UPP2: variants seen among roughly 807,000 people sequenced by gnomAD.
UPP2 encodes the protein uridine phosphorylase 2, also known as UPase 2.
A neutral mutation model predicts 26.7 loss-of-function variants in UPP2; 23 were observed. The observed-to-expected ratio is 0.86, with a 90% CI of 0.62 to 1.22. The LOEUF (loss-of-function observed/expected upper bound fraction) is 1.22. Ranked by LOEUF, UPP2 falls within the 50% of genes most tolerant of loss-of-function variation. The pLI is 0.00. For missense variants in UPP2, 387 were observed against 396.7 expected (o/e 0.98, Z 0.21); for synonymous variants, 127 against 141.3 (o/e 0.90, Z 0.72).
intron 3 of UPP2, among the ~76,000 whole-genome samples, chr2:158,078,437 G>A (rs1574278377): frequency 1.3e-5 from 2 of 152,118 alleles, no homozygotes; most frequent in South Asian, 4.1e-4. Context: ...ACACAATGGA[G>A]TACTATTTAG....
intron 3 of UPP2, among the ~76,000 whole-genome samples, chr2:158,117,234 G>GA (rs200674868): frequency 0.038 from 5,826 of 151,830 alleles, 208 homozygotes; most frequent in Non-Finnish European, 0.061. Context: ...CCTGAATACT[G>GA]AAAAAAACAG....
At chr2:158,090,654 G>C (rs1010493946) in intron 3 of UPP2, among the ~76,000 whole-genome samples, 1 of 151,840 alleles carries the variant, frequency 6.6e-6, no homozygotes, top group Non-Finnish European at 1.5e-5. Context: ...GTTAAACAAA[G>C]CATCTGCCAG....
intron 2 of UPP2, among the ~76,000 whole-genome samples, chr2:158,111,333 T>C (rs1683315596): frequency 6.6e-6 from 1 of 152,198 alleles, no homozygotes; most frequent in Non-Finnish European, 1.5e-5. Context: ...ACTCTTATGG[T>C]TATGGAATAT....
chr2:158,108,622 C>G (rs148044162), intron 2 of UPP2, among the ~76,000 whole-genome samples: 1 of 151,672 alleles, frequency 6.6e-6, no homozygotes, highest in South Asian at 2.1e-4. Context: ...CACACACATA[C>G]GCACACACAC....
intron 6 of UPP2, among the ~76,000 whole-genome samples, chr2:158,130,362 A>G (rs1683788940): frequency 6.6e-6 from 1 of 151,470 alleles, no homozygotes; most frequent in African/African-American, 2.4e-5. Context: ...GAGGGAGGAG[A>G]ATGGCGTGAA....
In UPP2 at chr2:158,001,644, G is replaced by A. The variant is rs112136585; in HGVS notation, c.61+6385G>A. Among the ~76,000 whole-genome samples, 1,090 of 152,166 alleles carry A rather than the reference G, an allele frequency of 7.2e-3. 19 individuals carry two copies. The highest frequency in any genetic ancestry group is 0.025 in the African/African-American group (1,018 of 41,506). On this transcript the variant is annotated intron_variant, in intron 2 of 9. Coordinates refer to the UPP2 transcript ENST00000605860. ...AGAACAACTGGGAAACATCAAGCAC[G>A]CCCTAGATCTTGGTCTTATTTTTTT...
chr2:158,099,339 G>A (rs1200279626), upstream of UPP2, among the ~76,000 whole-genome samples: 1 of 152,172 alleles, frequency 6.6e-6, no homozygotes, highest in Non-Finnish European at 1.5e-5. Flanking sequence ...AGCCATTGCT[G>A]GTGCTATGGG....
In UPP2 at chr2:158,027,513, G is replaced by A. The variant is rs1025670287; in HGVS notation, c.147+11627G>A. On this transcript the variant is annotated intron_variant, in intron 3 of 9. Transcript: ENST00000605860. ...CACCCCTATGGCTTTGTAGGGTACA[G>A]CCTCCCTCCTGACTGCTTTCATGGG... 6.6e-5 allele frequency among the ~76,000 whole-genome samples: 10 copies of A among 152,180 alleles called. No homozygotes were observed. The South Asian group carries it at 1.2e-3, about 19-fold the overall frequency.
rs1361890478 is a variant in UPP2, at chr2:158,057,672, T to C, written c.147+41786T>C. 2.6e-5 allele frequency among the ~76,000 whole-genome samples: 4 copies of C among 152,324 alleles called. No individual in the cohort carries two copies. In the South Asian group the frequency reaches 8.3e-4, roughly 32 times the overall value. On this transcript the variant is annotated intron_variant, in intron 3 of 9. Coordinates refer to the UPP2 transcript ENST00000605860. ...TTATTAACTACAGTCTATAGTTGAT[T>C]CAGATTCTTTATGTTTTTTAACCTA...
intron 3 of UPP2, among the ~76,000 whole-genome samples, chr2:158,068,918 T>C (rs568671789): frequency 5.0e-5 from 7 of 141,386 alleles, no homozygotes; most frequent in Admixed American, 1.5e-4. Context: ...CCCAGGTTCA[T>C]GCCATTCTCC....
intron 3 of UPP2, among the ~76,000 whole-genome samples, chr2:158,094,303 A>C (rs1682955113): frequency 6.6e-6 from 1 of 152,122 alleles, no homozygotes; most frequent in Admixed American, 6.5e-5. Flanking sequence ...TAGTAACTAC[A>C]CAGGCATCTA....
At chr2:158,000,524 C>T (rs1683389101) in intron 2 of UPP2, among the ~76,000 whole-genome samples, 1 of 152,238 alleles carries the variant, frequency 6.6e-6, no homozygotes, top group East Asian at 1.9e-4. Flanking sequence ...TTTTCTCTCT[C>T]TCCTGTTCTC....
At chr2:158,043,009 A>G (rs1307499651) in intron 3 of UPP2, among the ~76,000 whole-genome samples, 1 of 152,202 alleles carries the variant, frequency 6.6e-6, no homozygotes, top group Non-Finnish European at 1.5e-5. Context: ...ATTTCACCAC[A>G]TCTTAAGGTA....
chr2:158,001,957 CAAAAAAAAA>C (rs200818827), intron 2 of UPP2, among the ~76,000 whole-genome samples: 1,380 of 65,524 alleles, frequency 0.021, 16 homozygotes, highest in Admixed American at 0.032. Context: ...GAATGAGCAC[CAAAAAAAAA>C]AAAAAAAAAA....
intron 3 of UPP2, 67 bp downstream of exon 3, chr2:158,115,326 T>G: frequency 6.7e-7 from 1 of 1,497,154 alleles, no homozygotes; most frequent in Non-Finnish European, 8.9e-7. Flanking sequence ...AACTTTTACA[T>G]GTAGGAGTTC....
Position 158,001,367 on chromosome 2 carries a change from G to C in UPP2, c.61+6108G>C, listed in dbSNP as rs375165400. On this transcript the variant is annotated intron_variant, in intron 2 of 9. Coordinates refer to the UPP2 transcript ENST00000605860. ...CAAAGGACAGAATGATGTTGGTGCT[G>C]GAGAGAGAGGGTCACCTGACAGGAG... Among the ~76,000 whole-genome samples the C allele has an allele frequency of 2.3e-3, 355 of 152,296 alleles. 1 individual carries two copies. The highest frequency in any genetic ancestry group is 7.4e-3 in the African/African-American group (307 of 41,564).
At chr2:158,029,985 T>G (rs1486452894) in intron 3 of UPP2, among the ~76,000 whole-genome samples, 1 of 152,156 alleles carries the variant, frequency 6.6e-6, no homozygotes, top group Non-Finnish European at 1.5e-5. Context: ...ATTTGGGTTT[T>G]GAAAACACAA....
chr2:158,086,433 A>G lies in UPP2; in HGVS notation c.148-15607A>G, dbSNP rs145172716. On this transcript the variant is annotated intron_variant, in intron 3 of 9. Transcript: ENST00000605860. ...ATCTATCAATTTTATTTATCTTTTC[A>G]AAGAACCAGCTTTTTGTTTAATTTA... is the stretch of plus-strand genomic sequence containing the variant. Among the ~76,000 whole-genome samples, 850 of 151,954 alleles carry G rather than the reference A, an allele frequency of 5.6e-3. 8 individuals are homozygous for G. Among genetic ancestry groups the G allele is most frequent in the African/African-American group, 0.02 (817 of 41,490 alleles).
chr2:158,123,536 G>T (rs906528698), intron 5 of UPP2, among the ~76,000 whole-genome samples: 3 of 152,134 alleles, frequency 2.0e-5, no homozygotes, highest in Non-Finnish European at 2.9e-5. Flanking sequence ...GGCCATGAAG[G>T]CTCCTTCCTA....
Sources: gnomAD v4.1 joint callset for allele counts (sites outside exome capture counted in the v4.1 genomes callset) on GRCh38, gnomAD v4.1.1 for gene constraint, MANE v1.5 for transcripts, NCBI Gene and HGNC (gene_info 2026-07-23, HGNC 2026-07-21) for gene names.